SYN3: variants seen among roughly 807,000 people sequenced by gnomAD.
SYN3 encodes synapsin-3.
SYN3 carries 35 observed loss-of-function variants against 65.8 expected under a neutral mutation model. The observed-to-expected ratio is 0.53, with a 90% CI of 0.41 to 0.70. The LOEUF (loss-of-function observed/expected upper bound fraction) is 0.70, where lower values mean the gene tolerates loss of function less well. Ranked by LOEUF, SYN3 falls within the 30% of genes least tolerant of loss-of-function variation. SYN3 has a pLI of 0.00. For missense variants in SYN3, 680 were observed against 749.0 expected (o/e 0.91, Z 1.08); for synonymous variants, 270 against 292.9 (o/e 0.92, Z 0.80).
chr22:33,049,139 G>A (rs1450370852), intron 1 of SYN3, among the ~76,000 whole-genome samples: 3 of 152,178 alleles, frequency 2.0e-5, no homozygotes, highest in Non-Finnish European at 4.4e-5. Context: ...CATACAATGG[G>A]TTTAGAGCCT....
At chr22:33,043,147 T>C (rs778113213) in intron 1 of SYN3, among the ~76,000 whole-genome samples, 1 of 152,242 alleles carries the variant, frequency 6.6e-6, no homozygotes, top group Non-Finnish European at 1.5e-5. Context: ...AGCTAGTGAC[T>C]GGTCTATAGT....
At chr22:32,585,958 G>A (rs115629826) in intron 7 of SYN3, among the ~76,000 whole-genome samples, 8,789 of 32,730 alleles carry the variant, frequency 0.27, 698 homozygotes, top group East Asian at 0.46. Context: ...ACATATATGT[G>A]TATATACGTA....
At chr22:32,682,821 G>A (rs557653849) in intron 6 of SYN3, among the ~76,000 whole-genome samples, 7 of 152,314 alleles carry the variant, frequency 4.6e-5, no homozygotes, top group Non-Finnish European at 8.8e-5. Flanking sequence ...AAAGGCACAC[G>A]AAGAAACTCT....
At chr22:32,782,811 C>T (rs755345066) in intron 6 of SYN3, among the ~76,000 whole-genome samples, 18 of 152,204 alleles carry the variant, frequency 1.2e-4, no homozygotes, top group Admixed American at 2.0e-4. Context: ...GCCACCGTGC[C>T]CAGCCCAGGC....
rs1362683226 is a variant in SYN3, at chr22:32,511,706, T to TA, written c.*1985dup. Among the ~76,000 whole-genome samples the TA allele has an allele frequency of 6.6e-6, 1 of 152,238 alleles. No homozygotes were observed. Among genetic ancestry groups the TA allele is most frequent in the African/African-American group, 2.4e-5 (1 of 41,464 alleles). Reference sequence around the variant, plus strand: ...ATTTGCTGCTGATCCTAGCCAGTGTTAATCAGGCCTGAGCCTACCAGTCTC... The same window carrying TA: ...ATTTGCTGCTGATCCTAGCCAGTGTTAAATCAGGCCTGAGCCTACCAGTCTC... On this transcript the variant is annotated 3_prime_UTR_variant, in exon 14 of 14. Coordinates refer to ENST00000358763, the MANE Select transcript of SYN3 (RefSeq NM_003490.4).
intron 6 of SYN3, among the ~76,000 whole-genome samples, chr22:32,759,597 C>T (rs1453669512): frequency 1.3e-5 from 2 of 149,682 alleles, no homozygotes; most frequent in Non-Finnish European, 3.0e-5. Flanking sequence ...AGAAATGTCC[C>T]CATCCACCCT....
At chr22:32,956,150 CCTACTAACTTTTTTTTTTTTTTTG>C (rs762091757) in intron 3 of SYN3, among the ~76,000 whole-genome samples, 7,787 of 147,926 alleles carry the variant, frequency 0.053, 227 homozygotes, top group Middle Eastern at 0.086. Context: ...CCTCCCAGCC[CCTACTAACTTTTTTTTTTTTTTTG>C]AGACAGAGTC....
At chr22:32,845,975 A>G (rs558789559) in intron 6 of SYN3, among the ~76,000 whole-genome samples, 1 of 152,354 alleles carries the variant, frequency 6.6e-6, no homozygotes, top group Admixed American at 6.5e-5. Context: ...TTAATGCACA[A>G]ACCAAATAGG....
chr22:32,747,173 A>G (rs759257466), intron 6 of SYN3, among the ~76,000 whole-genome samples: 1 of 152,234 alleles, frequency 6.6e-6, no homozygotes, highest in Non-Finnish European at 1.5e-5. Flanking sequence ...GCAGTTCAAT[A>G]GCACGATTTT....
At chr22:32,598,296 A>AC (rs1284644995) in intron 6 of SYN3, among the ~76,000 whole-genome samples, 1 of 151,712 alleles carries the variant, frequency 6.6e-6, no homozygotes, top group Non-Finnish European at 1.5e-5. Flanking sequence ...ATCTCATTTT[A>AC]CCCCCACACT....
At chr22:32,758,437 A>G (rs1255059237) in intron 6 of SYN3, among the ~76,000 whole-genome samples, 1 of 151,546 alleles carries the variant, frequency 6.6e-6, no homozygotes, top group Non-Finnish European at 1.5e-5. Context: ...CCCACCCTTA[A>G]TCTGGTGGGC....
At chr22:32,882,953 C>T (rs1194524966) in intron 4 of SYN3, among the ~76,000 whole-genome samples, 2 of 152,106 alleles carry the variant, frequency 1.3e-5, no homozygotes. Flanking sequence ...AACTATTCTC[C>T]ACCAGGCCCT....
chr22:33,015,416 C>A (rs2145841241), intron 1 of SYN3: 1 of 348,364 alleles, frequency 2.9e-6, no homozygotes, highest in Admixed American at 3.8e-5. Context: ...TTAGGAAATA[C>A]AAAGCTATGA....
chr22:33,015,244 T>TCA, intron 1 of SYN3: 1 of 267,874 alleles, frequency 3.7e-6, no homozygotes, highest in African/African-American at 2.6e-5. Context: ...AAAAAAAAAC[T>TCA]ACTGTATCTT....
At chr22:32,715,899 TG>T (rs1039139817) in intron 6 of SYN3, among the ~76,000 whole-genome samples, 2 of 151,992 alleles carry the variant, frequency 1.3e-5, no homozygotes, top group African/African-American at 4.8e-5. Flanking sequence ...GAACAACAGC[TG>T]TGCTGGAACC....
intron 1 of SYN3, among the ~76,000 whole-genome samples, chr22:33,054,229 C>T (rs973995109): frequency 7.2e-5 from 11 of 152,290 alleles, no homozygotes; most frequent in Middle Eastern, 3.4e-3. Flanking sequence ...CCAGCCCAGA[C>T]TCCCCTCCTC....
chr22:32,761,072 T>C (rs563000908), intron 6 of SYN3, among the ~76,000 whole-genome samples: 1 of 152,146 alleles, frequency 6.6e-6, no homozygotes, highest in Non-Finnish European at 1.5e-5. Context: ...GGACAGCAGC[T>C]GCTGCCAGCC....
intron 6 of SYN3, among the ~76,000 whole-genome samples, chr22:32,817,114 A>T (rs2047107371): frequency 6.6e-6 from 1 of 151,570 alleles, no homozygotes; most frequent in African/African-American, 2.4e-5. Context: ...GTTACTCTTG[A>T]GGCTTAGGTG....
At chr22:32,735,394 CTAT>C (rs900427586) in intron 6 of SYN3, among the ~76,000 whole-genome samples, 9 of 152,172 alleles carry the variant, frequency 5.9e-5, no homozygotes, top group African/African-American at 2.2e-4. Context: ...TCAATGCTAG[CTAT>C]TATTATTACT....
Sources: gnomAD v4.1 joint callset for allele counts (sites outside exome capture counted in the v4.1 genomes callset) on GRCh38, gnomAD v4.1.1 for gene constraint, MANE v1.5 for transcripts, NCBI Gene and HGNC (gene_info 2026-07-23, HGNC 2026-07-21) for gene names.